The following CARS2 variants were observed in gnomAD, a reference collection of about 807,000 sequenced individuals.
The protein encoded by CARS2 is cysteinyl-tRNA synthetase 2, mitochondrial, also known as probable cysteine--tRNA ligase, mitochondrial.
Under a neutral mutation model 68.8 loss-of-function variants are expected in CARS2, and 52 were observed. That is an observed-to-expected ratio of 0.76 (90% confidence interval 0.61 to 0.95). The LOEUF is 0.95. Ranked by LOEUF, CARS2 falls within the 40% of genes least tolerant of loss-of-function variation. The probability of loss-of-function intolerance (pLI) is 0.00; values close to 1 mark genes in which losing one functional copy is unlikely to be tolerated. For synonymous variants in CARS2, 314 were observed against 303.6 expected (o/e 1.03, Z -0.36); for missense variants, 780 against 754.2 (o/e 1.03, Z -0.40).
intron 5 of CARS2, among the ~76,000 whole-genome samples, chr13:110,683,754 C>G (rs1044257180): frequency 6.6e-6 from 1 of 152,328 alleles, no homozygotes. Flanking sequence ...CAGTGGCTCA[C>G]GCCTCCAATC....
At chr13:110,709,668 G>A (rs368740216), upstream of CARS2, among the ~76,000 whole-genome samples, 2 of 151,888 alleles carry the variant, frequency 1.3e-5, no homozygotes, top group Non-Finnish European at 2.9e-5. Flanking sequence ...CTCAGCTTGC[G>A]GACAGTCTAT....
At position 110,665,473 on chromosome 13, in the gene CARS2, C is replaced by T; in HGVS notation, c.919+1867G>A. 1.0e-6 allele frequency: 1 copy of T among 985,490 alleles called. No homozygotes were observed. Among genetic ancestry groups the T allele is most frequent in the Non-Finnish European group, 1.2e-6 (1 of 829,998 alleles). The allele number at this position is 985,490 out of a possible 1,614,324, so 61.0% of individuals were successfully genotyped here. The stretch of plus-strand genomic sequence containing the variant: ...AACAACAGCAAATGCTTTCCCATTC[C>T]CACATCGGAAGGTGAACACGACCTC... On this transcript the variant is annotated intron_variant, in intron 8 of 14. Coordinates refer to ENST00000257347, the MANE Select transcript of CARS2 (RefSeq NM_024537.4). The surrounding 1 kb of genome is among the most constrained non-coding windows in gnomAD (Gnocchi z 4.3).
chr13:110,705,964 G>A lies in CARS2; in HGVS notation c.130C>T (p.Gln44Ter), dbSNP rs985398714. 6.5e-7 allele frequency: 1 copy of A among 1,539,702 alleles called. No homozygotes were observed. The highest frequency in any genetic ancestry group is 1.2e-5 in the South Asian group (1 of 83,440). The change falls in exon 1 of 15, where the codon CAG becomes TAG. Residue 44 changes from glutamine (Q) to a stop codon, truncating the protein, a stop_gained. Transcript: ENST00000257347. LOFTEE classifies it high-confidence loss of function. This position sits in a 1 kb window ranked among gnomAD's most constrained non-coding sequence, Gnocchi z 4.0. Reference sequence around the variant, plus strand: ...ACACCCGTCTCCCGGCCCGTGGGCTGCAGCCAGGCCCGCCCGCGCCCCCCG... The same window carrying A: ...ACACCCGTCTCCCGGCCCGTGGGCTACAGCCAGGCCCGCCCGCGCCCCCCG... ...ASGGRGRAWLQPTGRETGVQV... is the reference protein window; with the variant it reads ...ASGGRGRAWL
In CARS2 at chr13:110,646,097, G is replaced by A. The variant is rs568526596; in HGVS notation, c.1194-7C>T. ...CCTCTTGGTGCTGGAGAGCCTGAGG[G>A]AAGAGGAGAGAACAGTCACAGCAGA... On this transcript the variant is annotated splice_polypyrimidine_tract_variant and splice_region_variant and intron_variant, in intron 11 of 14. Coordinates refer to ENST00000257347, the MANE Select transcript of CARS2 (RefSeq NM_024537.4). The A allele has an allele frequency of 1.1e-5, 17 of 1,612,008 alleles. No individual in the cohort carries two copies. In the South Asian group the frequency reaches 1.9e-4, roughly 18 times the overall value.
rs1007541321 is a variant in CARS2 at position 110,653,186 on chromosome 13, G to GC, written c.988-2087_988-2086insG. On this transcript the variant is annotated intron_variant, in intron 9 of 14. Transcript: ENST00000257347. This position sits in a 1 kb window ranked among gnomAD's most constrained non-coding sequence, Gnocchi z 5.6. Reference sequence around the variant, plus strand: ...CTGCCACAGGGGCCTGGGGTGGGGAGGGGGGCTGGGGTATGTGTGTGTGTG... The same window carrying GC: ...CTGCCACAGGGGCCTGGGGTGGGGAGCGGGGGCTGGGGTATGTGTGTGTGTG... Among the ~76,000 whole-genome samples the GC allele has an allele frequency of 3.9e-5, 2 of 51,088 alleles. No individual in the cohort carries two copies. Among genetic ancestry groups the GC allele is most frequent in the African/African-American group, 2.8e-4 (2 of 7,072 alleles). The allele number at this position is 51,088 out of a possible 152,430, so 33.5% of individuals were successfully genotyped here. A position where few individuals can be genotyped will look rare whatever the true frequency, so the allele number is the denominator to read the frequency against.
intron 5 of CARS2, among the ~76,000 whole-genome samples, chr13:110,685,992 G>GAAAAAAAAAAAAAAAAAGAA (rs10668818): frequency 7.8e-6 from 1 of 128,724 alleles, no homozygotes; most frequent in Admixed American, 8.5e-5. Context: ...CAGAAAAAAT[G>GAAAAAAAAAAAAAAAAAGAA]AAAAAAAAAA....
chr13:110,706,040 C>A lies in CARS2; in HGVS notation c.54G>T (p.Ala18=). Residue 18 remains alanine (A), a synonymous_variant, in exon 1 of 15, where the codon GCG becomes GCT. Transcript: ENST00000257347. ...PGLGPPLLQA[A]LGLGRAGWHW... is the part of the protein sequence containing the mutation. ...GCCACCCAGCCCGCCCAAGGCCCAG[C>A]GCGGCCTGGAGCAGCGGGGGGCCCA... 2.2e-6 allele frequency: 3 copies of A among 1,378,686 alleles called. No homozygotes were observed. Among genetic ancestry groups the A allele is most frequent in the Middle Eastern group, 2.0e-4 (1 of 5,068 alleles). 85.4% of individuals were successfully genotyped at this position (1,378,686 alleles called of 1,614,324 possible).
At chr13:110,674,628 CAT>C (rs2062894713) in intron 7 of CARS2, among the ~76,000 whole-genome samples, 1 of 152,076 alleles carries the variant, frequency 6.6e-6, no homozygotes, top group Admixed American at 6.5e-5. Flanking sequence ...CAGGCAATAC[CAT>C]TCAGGCCATA....
In CARS2 at chr13:110,687,744, C is replaced by G. The variant is rs912747218; in HGVS notation, c.548G>C (p.Gly183Ala). 1 of 1,611,210 alleles carries G rather than the reference C, an allele frequency of 6.2e-7. No individual in the cohort carries two copies. Among genetic ancestry groups the G allele is most frequent in the Admixed American group, 1.7e-5 (1 of 59,848 alleles). The change falls in exon 5 of 15, where the codon GGG becomes GCG. Residue 183 changes from glycine to alanine, a missense_variant. By Grantham distance (60) the Gly-to-Ala change is moderately conservative. Transcript: ENST00000257347. ...ISFIEGIIARGNAYSTAKGNV... is the reference protein window; with the variant it reads ...ISFIEGIIARANAYSTAKGNV... Reference sequence around the variant, plus strand: ...ACCTTTTGCCGTTGAATAAGCGTTCCCACGAGCAATGATTCCTTCAATGAA... The same window carrying G: ...ACCTTTTGCCGTTGAATAAGCGTTCGCACGAGCAATGATTCCTTCAATGAA...
rs1012285677 is a variant in CARS2, at chr13:110,668,028, C to G, written c.786-555G>C. 2.6e-5 allele frequency among the ~76,000 whole-genome samples: 4 copies of G among 152,234 alleles called. No individual in the cohort carries two copies. The highest frequency in any genetic ancestry group is 2.1e-4 in the South Asian group (1 of 4,836). ...TGAGGCTGGGCCAGCCCACTCGAAG[C>G]TCTGTCCCTGGACCAGCTGCAGAAG... On this transcript the variant is annotated intron_variant, in intron 7 of 14. Transcript: ENST00000257347. This position sits in a 1 kb window ranked among gnomAD's most constrained non-coding sequence, Gnocchi z 4.1.
At chr13:110,710,108 C>A (rs780145591), upstream of CARS2, among the ~76,000 whole-genome samples, 1 of 152,142 alleles carries the variant, frequency 6.6e-6, no homozygotes, top group Non-Finnish European at 1.5e-5. Flanking sequence ...TGGCCAGGCG[C>A]GGTGGTTCAC....
chr13:110,651,295 C>T (rs936575361), intron 9 of CARS2, 195 bp from the exon 10 acceptor site: 42 of 544,448 alleles, frequency 7.7e-5, no homozygotes, highest in African/African-American at 4.3e-4. Context: ...TTTCCACGTT[C>T]GATCTCAGTA....
At position 110,713,069 on chromosome 13, in the gene CARS2, C is replaced by T. The variant is rs550578136; in HGVS notation, n.399+68G>A. 885 of 1,449,128 alleles carry T rather than the reference C, an allele frequency of 6.1e-4. 9 individuals are homozygous for T. In the African/African-American group the frequency reaches 0.011, roughly 18 times the overall value. 89.8% of individuals were successfully genotyped at this position (1,449,128 alleles called of 1,614,324 possible). On this transcript the variant is annotated intron_variant and non_coding_transcript_variant, in intron 1 of 2. Coordinates refer to the CARS2 transcript ENST00000485188. The stretch of plus-strand genomic sequence containing the variant: ...CCGCCACTTCCGCCCGTGCCCGGCC[C>T]TCCCCTTCCTTCCGCCTCCCGGAGG...
At chr13:110,702,536 G>C (rs1193504054) in intron 2 of CARS2, among the ~76,000 whole-genome samples, 1 of 152,116 alleles carries the variant, frequency 6.6e-6, no homozygotes, top group African/African-American at 2.4e-5. Context: ...GAGTCTAAAA[G>C]ATGTGAGATT....
intron 2 of CARS2, among the ~76,000 whole-genome samples, chr13:110,704,149 C>G (rs1287668356): frequency 6.6e-6 from 1 of 152,186 alleles, no homozygotes; most frequent in African/African-American, 2.4e-5. Context: ...TTACAGCAGA[C>G]TCATAGACTG....
intron 6 of CARS2, among the ~76,000 whole-genome samples, chr13:110,682,459 G>C (rs759722158): frequency 3.9e-5 from 6 of 152,232 alleles, no homozygotes; most frequent in Admixed American, 2.0e-4. Flanking sequence ...GGCGCAGAAA[G>C]ACAGTGCCTA....
At chr13:110,645,649 T>G in intron 12 of CARS2, 1 of 253,248 alleles carries the variant, frequency 3.9e-6, no homozygotes, top group South Asian at 1.1e-4. Flanking sequence ...CCACAAAAGC[T>G]CTCTCTGTGA....
At chr13:110,648,652 T>A (rs1021949059) in intron 10 of CARS2, 1 of 152,222 alleles carries the variant, frequency 6.6e-6, no homozygotes, top group Non-Finnish European at 1.5e-5. Context: ...TCGTGTCCAC[T>A]GTGGGGATCC....
chr13:110,670,670 A>C lies in CARS2; in HGVS notation c.786-3197T>G, dbSNP rs1214356543. Among the ~76,000 whole-genome samples, 1 of 152,230 alleles carries C rather than the reference A, an allele frequency of 6.6e-6. No homozygotes were observed. Among genetic ancestry groups the C allele is most frequent in the East Asian group, 1.9e-4 (1 of 5,194 alleles). On this transcript the variant is annotated intron_variant, in intron 7 of 14. Coordinates refer to ENST00000257347, the MANE Select transcript of CARS2 (RefSeq NM_024537.4). The surrounding 1 kb of genome is among the most constrained non-coding windows in gnomAD (Gnocchi z 4.1). ...CGCCTCTTCTCCTCCAAAGAAACGC[A>C]GCTCCTCACCAGCAATGGAACAAAG...
Sources: allele counts gnomAD v4.1 joint callset (sites outside exome capture counted in the v4.1 genomes callset), GRCh38; gene constraint gnomAD v4.1.1; non-coding constraint Gnocchi (gnomAD v3.1); transcripts MANE v1.5; gene names NCBI Gene and HGNC (gene_info 2026-07-23, HGNC 2026-07-21).